TNPO1: variants seen among roughly 807,000 people sequenced by gnomAD.
TNPO1 encodes transportin 1.
In TNPO1, 8 loss-of-function variants were observed where a neutral mutation model predicts 119.5. That is an observed-to-expected ratio of 0.07 (90% CI 0.04 to 0.12). TNPO1 has a LOEUF of 0.12. TNPO1 is among the 10% of genes least tolerant of loss of function. TNPO1 has a pLI of 1.00. For missense variants in TNPO1, 576 were observed against 1,089.8 expected (o/e 0.53, Z 6.64); for synonymous variants, 362 against 363.0 (o/e 1.00, Z 0.03).
At position 72,888,210 on chromosome 5, in the gene TNPO1, G is replaced by C; in HGVS notation, c.1436G>C (p.Ser479Thr). ...TLSRYAHWVVSQPPDTYLKPL... is the reference protein window; with the variant it reads ...TLSRYAHWVVTQPPDTYLKPL... ...AGCCGCTATGCACACTGGGTGGTCA[G>C]CCAGCCGCCAGACACGTACCTGAAG... The change falls in exon 13 of 25, where the codon AGC becomes ACC. Residue 479 changes from serine to threonine, a missense_variant. Ser to Thr is a moderately conservative substitution (Grantham distance 58). Transcript: ENST00000337273. The C allele has an allele frequency of 6.2e-7, 1 of 1,614,166 alleles. No individual in the cohort carries two copies. Among genetic ancestry groups the C allele is most frequent in the African/African-American group, 1.3e-5 (1 of 75,018 alleles).
intron 1 of TNPO1, 46 bp downstream of exon 1, chr5:72,816,798 C>T: frequency 6.4e-7 from 1 of 1,559,580 alleles, no homozygotes; most frequent in Non-Finnish European, 8.7e-7. Context: ...GGGGCGGGAA[C>T]GGAGGCTGGG....
intron 6 of TNPO1, among the ~76,000 whole-genome samples, chr5:72,868,534 C>T (rs1166690754): frequency 6.9e-6 from 1 of 145,048 alleles, no homozygotes; most frequent in Non-Finnish European, 1.5e-5. Flanking sequence ...ATTTATGTAA[C>T]TTTTTCTTGC....
At chr5:72,874,067 A>G (rs892383029) in intron 7 of TNPO1, among the ~76,000 whole-genome samples, 1 of 152,154 alleles carries the variant, frequency 6.6e-6, no homozygotes, top group Non-Finnish European at 1.5e-5. Context: ...AAAATTTCAT[A>G]GGACGGTACT....
chr5:72,893,814 T>G (rs1749230459), intron 18 of TNPO1, 111 bp downstream of exon 18: 3 of 1,017,736 alleles, frequency 2.9e-6, no homozygotes, highest in Non-Finnish European at 3.0e-6. Context: ...CATTTATAAA[T>G]GTACACTTTA....
At chr5:72,876,799 A>G (rs1747812271) in intron 8 of TNPO1, among the ~76,000 whole-genome samples, 1 of 152,164 alleles carries the variant, frequency 6.6e-6, no homozygotes, top group Non-Finnish European at 1.5e-5. Context: ...GGAAACTTTA[A>G]AAATTCAAAT....
At chr5:72,841,035 C>A (rs763367891) in intron 1 of TNPO1, among the ~76,000 whole-genome samples, 1 of 152,030 alleles carries the variant, frequency 6.6e-6, no homozygotes, top group Non-Finnish European at 1.5e-5. Context: ...AGCTCATTTC[C>A]GTAACTAATA....
intron 11 of TNPO1, among the ~76,000 whole-genome samples, chr5:72,884,030 G>A (rs1231390595): frequency 6.6e-6 from 1 of 152,074 alleles, no homozygotes; most frequent in Non-Finnish European, 1.5e-5. Flanking sequence ...GATTACAGGC[G>A]TAAGCCACTG....
rs1195301884 is a variant in TNPO1 at position 72,832,830 on chromosome 5, G to A, written c.16-15555G>A. Among the ~76,000 whole-genome samples, 4 of 152,240 alleles carry A rather than the reference G, an allele frequency of 2.6e-5. No individual in the cohort carries two copies. The East Asian group carries it at 7.7e-4, about 29-fold the overall frequency. On this transcript the variant is annotated intron_variant, in intron 1 of 24. Transcript: ENST00000337273. ...GAATGAATTCTGTTGTCCGTAAAGA[G>A]GTGTACACCTGAATTGGCAGATGAC...
Position 72,841,409 on chromosome 5 carries a change from C to T in TNPO1, c.16-6976C>T, listed in dbSNP as rs201899559. 4.6e-4 allele frequency among the ~76,000 whole-genome samples: 70 copies of T among 152,208 alleles called. 1 individual carries two copies. Among genetic ancestry groups the T allele is most frequent in the East Asian group, 4.5e-3 (23 of 5,156 alleles). On this transcript the variant is annotated intron_variant, in intron 1 of 24. Transcript: ENST00000337273. ...GCTGGAATACAGGCGTGAGCCACCG[C>T]GCCCGGCTCATTATAGACTTTTTTT...
intron 1 of TNPO1, among the ~76,000 whole-genome samples, chr5:72,843,998 G>GC: frequency 6.6e-6 from 1 of 152,150 alleles, no homozygotes; most frequent in Admixed American, 6.5e-5. Context: ...AATTCACTGA[G>GC]CACATGGTAG....
At chr5:72,888,030 T>C (rs1314025273) in intron 12 of TNPO1, 48 bp from the exon 13 acceptor site, 5 of 1,559,822 alleles carry the variant, frequency 3.2e-6, no homozygotes, top group Non-Finnish European at 4.4e-6. Context: ...TCAACCAAAA[T>C]AATGTTAACT....
At chr5:72,850,809 T>C (rs1260241958) in intron 2 of TNPO1, among the ~76,000 whole-genome samples, 2 of 152,240 alleles carry the variant, frequency 1.3e-5, no homozygotes, top group Non-Finnish European at 2.9e-5. Context: ...AGTATCTTTT[T>C]TTTAAAAGTT....
At chr5:72,897,221 A>G in intron 20 of TNPO1, 70 bp downstream of exon 20, 1 of 1,059,950 alleles carries the variant, frequency 9.4e-7, no homozygotes, top group Non-Finnish European at 1.4e-6. Flanking sequence ...TGCGTAGAGA[A>G]ACCAAAGCAA....
At chr5:72,861,942 G>T (rs747765365) in intron 5 of TNPO1, 28 bp downstream of exon 5, 3 of 1,548,012 alleles carry the variant, frequency 1.9e-6, no homozygotes, top group South Asian at 2.2e-5. Context: ...ATACATAATT[G>T]GGTGTTTTCT....
chr5:72,910,456 T>C lies in TNPO1; in HGVS notation c.*1783T>C, dbSNP rs1215122320. On this transcript the variant is annotated 3_prime_UTR_variant, in exon 25 of 25. Transcript: ENST00000337273. ...TGGATTGCCTGAACAGTGTATCCCA[T>C]GATGATGAAGGAAAATGGAGAGATT... 4 of 152,578 alleles carry C rather than the reference T, an allele frequency of 2.6e-5. No homozygotes were observed. Among genetic ancestry groups the C allele is most frequent in the African/African-American group, 9.7e-5 (4 of 41,442 alleles). 9.5% of individuals were successfully genotyped at this position (152,578 alleles called of 1,614,324 possible). A position where few individuals can be genotyped will look rare whatever the true frequency, so the allele number is the denominator to read the frequency against.
chr5:72,836,952 T>A (rs1744715700), intron 1 of TNPO1, among the ~76,000 whole-genome samples: 1 of 152,222 alleles, frequency 6.6e-6, no homozygotes, highest in Non-Finnish European at 1.5e-5. Flanking sequence ...GAATGGCCTT[T>A]ACTGTCTGTA....
intron 1 of TNPO1, among the ~76,000 whole-genome samples, chr5:72,839,777 C>T (rs996644490): frequency 6.6e-6 from 1 of 152,106 alleles, no homozygotes; most frequent in African/African-American, 2.4e-5. Flanking sequence ...TAATGGTTCT[C>T]AACTGGCTAT....
chr5:72,907,246 T>TAGCTTCAA (rs1232660566), intron 24 of TNPO1, among the ~76,000 whole-genome samples: 8 of 152,204 alleles, frequency 5.3e-5, no homozygotes, highest in Non-Finnish European at 1.2e-4. Context: ...GAATGACTTG[T>TAGCTTCAA]AGCTTCAAAG....
At chr5:72,907,128 G>C (rs1019725320) in intron 24 of TNPO1, among the ~76,000 whole-genome samples, 1 of 152,186 alleles carries the variant, frequency 6.6e-6, no homozygotes, top group South Asian at 2.1e-4. Flanking sequence ...CATATGTGTT[G>C]TCCTACTTCA....
Sources: allele counts gnomAD v4.1 joint callset (sites outside exome capture counted in the v4.1 genomes callset), GRCh38; gene constraint gnomAD v4.1.1; transcripts MANE v1.5; gene names NCBI Gene and HGNC (gene_info 2026-07-23, HGNC 2026-07-21).